The following CSMD1 variants were observed in gnomAD, a reference collection of about 807,000 sequenced individuals.
CSMD1 encodes the protein CUB and sushi domain-containing protein 1.
CSMD1 carries 213 observed loss-of-function variants against 417.5 expected under a neutral mutation model. That is an observed-to-expected ratio of 0.51 (90% CI 0.46 to 0.57). The LOEUF (loss-of-function observed/expected upper bound fraction) is 0.57, where lower values mean the gene tolerates loss of function less well. Ranked by LOEUF, CSMD1 falls within the 20% of genes least tolerant of loss-of-function variation. The pLI is 0.00. For missense variants in CSMD1, 6,923 were observed against 4,529.7 expected, an observed-to-expected ratio of 1.53 and a Z score of -15.17; for synonymous variants, 2,862 against 1,736.8, an observed-to-expected ratio of 1.65 and a Z score of -16.11.
chr8:3,329,353 G>C (rs952267825), intron 23 of CSMD1, among the ~76,000 whole-genome samples: 1 of 152,062 alleles, frequency 6.6e-6, no homozygotes, highest in Non-Finnish European at 1.5e-5. Flanking sequence ...CAGCGTGACA[G>C]AGCCCAGTTC....
chr8:4,980,801 G>T (rs1425110012), intron 1 of CSMD1, among the ~76,000 whole-genome samples: 1 of 151,944 alleles, frequency 6.6e-6, no homozygotes, highest in Non-Finnish European at 1.5e-5. Flanking sequence ...GCTACTTGGG[G>T]GCTGACACGG....
Position 4,240,094 on chromosome 8 carries a change from T to A in CSMD1, c.415+179859A>T, listed in dbSNP as rs77245341. 1.5e-3 allele frequency among the ~76,000 whole-genome samples: 227 copies of A among 152,344 alleles called. 3 individuals are homozygous for A. The East Asian group carries it at 0.039, about 26-fold the overall frequency. On this transcript the variant is annotated intron_variant, in intron 3 of 69. Coordinates refer to ENST00000635120, the MANE Select transcript of CSMD1 (RefSeq NM_033225.6). ...TAAGCTTTAAATAAAGCTTCTTAAA[T>A]ACTAAACCAAATGTTGATTGTTATT...
intron 3 of CSMD1, among the ~76,000 whole-genome samples, chr8:4,285,567 G>A (rs1036023224): frequency 2.0e-5 from 3 of 152,202 alleles, no homozygotes; most frequent in Non-Finnish European, 2.9e-5. Flanking sequence ...GGCAGGTTTC[G>A]CTAATGCTGA....
intron 3 of CSMD1, among the ~76,000 whole-genome samples, chr8:4,201,920 C>A (rs1308005786): frequency 2.0e-5 from 3 of 148,216 alleles, no homozygotes; most frequent in African/African-American, 7.6e-5. Context: ...ATTTGCCATG[C>A]TCAATAGCAT....
At chr8:3,458,683 T>C (rs546811510) in intron 12 of CSMD1, among the ~76,000 whole-genome samples, 1 of 152,358 alleles carries the variant, frequency 6.6e-6, no homozygotes, top group South Asian at 2.1e-4. Context: ...TGAACACATA[T>C]AATCTATTAA....
intron 5 of CSMD1, among the ~76,000 whole-genome samples, chr8:3,972,891 A>G (rs1162792641): frequency 3.3e-5 from 5 of 152,216 alleles, no homozygotes; most frequent in Non-Finnish European, 7.3e-5. Flanking sequence ...AACCATCAAA[A>G]TGTAAAAATG....
Position 3,160,797 on chromosome 8 carries a change from G to A in CSMD1, c.5844+1362C>T, listed in dbSNP as rs543453137. 2.6e-5 allele frequency among the ~76,000 whole-genome samples: 4 copies of A among 152,248 alleles called. No individual in the cohort carries two copies. In the South Asian group the frequency reaches 8.3e-4, roughly 32 times the overall value. On this transcript the variant is annotated intron_variant, in intron 38 of 69. Transcript: ENST00000635120. ...CATCACATGGTACCCATGTCCCACG[G>A]TTGATCAGGAGAAGTGAGATTTTGT...
chr8:3,509,297 C>A (rs1337058423), intron 10 of CSMD1, among the ~76,000 whole-genome samples: 2 of 152,162 alleles, frequency 1.3e-5, no homozygotes, highest in Non-Finnish European at 2.9e-5. Context: ...TATATTTAAG[C>A]CTTTCCCCCA....
At chr8:3,187,155 G>A (rs1003854616) in intron 36 of CSMD1, among the ~76,000 whole-genome samples, 2 of 152,314 alleles carry the variant, frequency 1.3e-5, no homozygotes, top group Non-Finnish European at 2.9e-5. Context: ...GGAGATAATC[G>A]CAATACTGAT....
At chr8:4,277,003 A>C (rs1585143352) in intron 3 of CSMD1, among the ~76,000 whole-genome samples, 2 of 152,204 alleles carry the variant, frequency 1.3e-5, no homozygotes, top group East Asian at 1.9e-4. Context: ...CTCCAGGTTA[A>C]GTTTAAATTC....
intron 49 of CSMD1, among the ~76,000 whole-genome samples, chr8:3,055,590 A>G (rs1812160732): frequency 6.6e-6 from 1 of 152,166 alleles, no homozygotes; most frequent in South Asian, 2.1e-4. Context: ...TCCATAGATC[A>G]CTATTTTTTT....
intron 1 of CSMD1, among the ~76,000 whole-genome samples, chr8:4,648,522 C>G (rs1803680609): frequency 6.6e-6 from 1 of 152,126 alleles, no homozygotes; most frequent in African/African-American, 2.4e-5. Context: ...CTTTCTCCCT[C>G]TCTTAGGGAA....
intron 7 of CSMD1, among the ~76,000 whole-genome samples, chr8:3,702,581 A>G (rs1412905305): frequency 6.6e-6 from 1 of 152,224 alleles, no homozygotes; most frequent in Non-Finnish European, 1.5e-5. Flanking sequence ...CTGTAATCCC[A>G]GCACTTTGGG....
At chr8:4,455,315 G>T (rs1225614346) in intron 2 of CSMD1, among the ~76,000 whole-genome samples, 1 of 152,128 alleles carries the variant, frequency 6.6e-6, no homozygotes, top group Non-Finnish European at 1.5e-5. Context: ...TAGCAAAGAA[G>T]ATGATCACAA....
At chr8:3,679,024 C>T (rs1799520486) in intron 7 of CSMD1, among the ~76,000 whole-genome samples, 1 of 152,072 alleles carries the variant, frequency 6.6e-6, no homozygotes, top group African/African-American at 2.4e-5. Context: ...TAAAAGACCT[C>T]CTGAAGAAGC....
intron 2 of CSMD1, among the ~76,000 whole-genome samples, chr8:4,453,202 C>A (rs112071922): frequency 2.6e-5 from 3 of 117,026 alleles, no homozygotes; most frequent in African/African-American, 9.7e-5. Context: ...CACACCCACA[C>A]AGACACACAC....
At chr8:3,163,289 ATTCGCACTTTAG>A (rs1203260138) in intron 37 of CSMD1, among the ~76,000 whole-genome samples, 1 of 152,124 alleles carries the variant, frequency 6.6e-6, no homozygotes, top group Non-Finnish European at 1.5e-5. Flanking sequence ...GGGGCCTTGG[ATTCGCACTTTAG>A]TTCTTGTACT....
chr8:4,423,162 G>A (rs1419503096), intron 2 of CSMD1, among the ~76,000 whole-genome samples: 1 of 152,036 alleles, frequency 6.6e-6, no homozygotes, highest in African/African-American at 2.4e-5. Flanking sequence ...AACAAGTCAA[G>A]AATGCTTTGA....
At chr8:4,463,187 T>C (rs757462023) in intron 2 of CSMD1, among the ~76,000 whole-genome samples, 3 of 152,118 alleles carry the variant, frequency 2.0e-5, no homozygotes, top group Non-Finnish European at 4.4e-5. Flanking sequence ...CGTATAAAAA[T>C]TCTCAGCATC....
Sources: allele counts gnomAD v4.1 joint callset (sites outside exome capture counted in the v4.1 genomes callset), GRCh38; gene constraint gnomAD v4.1.1; transcripts MANE v1.5; gene names NCBI Gene and HGNC (gene_info 2026-07-23, HGNC 2026-07-21).